The following VSX2 variants were observed in gnomAD, a reference collection of about 807,000 sequenced individuals.
VSX2 encodes visual system homeobox 2.
In VSX2, 28 loss-of-function variants were observed where a neutral mutation model predicts 32.1. The ratio of observed to expected loss-of-function variants is 0.87; its 90% CI spans 0.65 to 1.20. The LOEUF (loss-of-function observed/expected upper bound fraction) is 1.20. VSX2 is among the 50% of genes most tolerant of loss of function. The pLI, the probability that VSX2 is intolerant of heterozygous loss-of-function variation, is 0.00. For synonymous variants in VSX2, 243 were observed against 214.1 expected, an observed-to-expected ratio of 1.14 and a Z score of -1.18; for missense variants, 506 against 488.7, an observed-to-expected ratio of 1.04 and a Z score of -0.33.
chr14:74,260,899 C>G lies in VSX2; in HGVS notation c.1066C>G (p.Gln356Glu), dbSNP rs2079302722. 2 of 1,561,404 alleles carry G rather than the reference C, an allele frequency of 1.3e-6. No individual in the cohort carries two copies. The highest frequency in any genetic ancestry group is 2.7e-5 in the African/African-American group (2 of 73,464). Residue 356 changes from glutamine to glutamate, a missense_variant, in exon 5 of 5, where the codon CAG (glutamine) becomes GAG (glutamate). Physicochemically the swap from Gln to Glu is conservative, Grantham distance 29. Coordinates refer to ENST00000261980, the MANE Select transcript of VSX2 (RefSeq NM_182894.3). ...DRPAERLSPP[Q>E]LEDMA is the part of the protein sequence containing the mutation. Reference sequence around the variant, plus strand: ...GCCGGCGGAGAGGCTCAGTCCACCGCAGCTGGAGGACATGGCTTAGGTCAA... The same window carrying G: ...GCCGGCGGAGAGGCTCAGTCCACCGGAGCTGGAGGACATGGCTTAGGTCAA...
At chr14:74,259,264 C>T (rs970733620) in intron 3 of VSX2, among the ~76,000 whole-genome samples, 4 of 152,172 alleles carry the variant, frequency 2.6e-5, no homozygotes, top group Admixed American at 2.0e-4. Flanking sequence ...GATTTATATG[C>T]TGGAGGTGTG....
At chr14:74,251,753 C>T (rs2079230349) in intron 3 of VSX2, among the ~76,000 whole-genome samples, 1 of 152,214 alleles carries the variant, frequency 6.6e-6, no homozygotes, top group South Asian at 2.1e-4. Context: ...CTCCACTTGT[C>T]TGAGCCTTAG....
chr14:74,250,646 G>A, intron 3 of VSX2, among the ~76,000 whole-genome samples: 1 of 152,028 alleles, frequency 6.6e-6, no homozygotes. Flanking sequence ...GGGTGCTTGA[G>A]TAGGGAAGGG....
At chr14:74,246,515 T>A (rs2079192815) in intron 3 of VSX2, among the ~76,000 whole-genome samples, 1 of 152,254 alleles carries the variant, frequency 6.6e-6, no homozygotes, top group Non-Finnish European at 1.5e-5. Context: ...CAGATTATGT[T>A]TGGTGCATTA....
In VSX2 at chr14:74,239,926, G is replaced by T. The variant is rs866959994; in HGVS notation, c.365G>T (p.Ser122Ile). 2 of 1,563,994 alleles carry T rather than the reference G, an allele frequency of 1.3e-6. No homozygotes were observed. The highest frequency in any genetic ancestry group is 3.8e-5 in the Admixed American group (2 of 52,926). The change falls in exon 1 of 5, where the codon AGC (serine) becomes ATC (isoleucine). Residue 122 changes from serine (S) to isoleucine (I), a missense_variant. Transcript: ENST00000261980. ...CCGCTGGACACCAGCCAGACGGCCA[G>T]CTCGGGTAGGTGAGGAGAGGTTGCG... is the stretch of plus-strand genomic sequence containing the variant. Reference protein sequence around the residue: ...SGPLDTSQTASSDSEDVSSSD... With the variant: ...SGPLDTSQTAISDSEDVSSSD...
At chr14:74,241,763 C>T (rs574695616) in intron 2 of VSX2, among the ~76,000 whole-genome samples, 1 of 152,338 alleles carries the variant, frequency 6.6e-6, no homozygotes, top group Non-Finnish European at 1.5e-5. Flanking sequence ...GCGATCTCTG[C>T]ACTGACAGAG....
chr14:74,243,866 C>T (rs761878143), intron 2 of VSX2, among the ~76,000 whole-genome samples: 47 of 151,858 alleles, frequency 3.1e-4, no homozygotes, highest in Non-Finnish European at 6.2e-4. Context: ...TTGTGTTAGA[C>T]GAGGGTGAGG....
chr14:74,244,017 A>G (rs773358082), intron 2 of VSX2, among the ~76,000 whole-genome samples: 7 of 152,200 alleles, frequency 4.6e-5, no homozygotes, highest in African/African-American at 7.2e-5. Context: ...ATGAGGTTTC[A>G]GGATAAAGAC....
intron 3 of VSX2, among the ~76,000 whole-genome samples, chr14:74,251,687 T>G (rs112776642): frequency 3.3e-5 from 5 of 152,146 alleles, no homozygotes; most frequent in African/African-American, 1.2e-4. Flanking sequence ...GGCAAGAGGC[T>G]GTCTGGAAAT....
In VSX2 at chr14:74,245,297, C is replaced by A. The variant is rs2139634155; in HGVS notation, c.579+9C>A. Reference sequence around the variant, plus strand: ...CGGAAGACAGGATACAGGTAACAGCCCTGAGCCCCTCTCCCCTCCACTCTC... The same window carrying A: ...CGGAAGACAGGATACAGGTAACAGCACTGAGCCCCTCTCCCCTCCACTCTC... On this transcript the variant is annotated intron_variant, in intron 3 of 4. Transcript: ENST00000261980. The A allele has an allele frequency of 1.2e-6, 2 of 1,613,288 alleles. No individual in the cohort carries two copies. The highest frequency in any genetic ancestry group is 3.3e-4 in the Middle Eastern group (2 of 6,056).
In VSX2 at chr14:74,260,673, C is replaced by A; in HGVS notation, c.840C>A (p.Leu280=). 1.2e-6 allele frequency: 2 copies of A among 1,600,526 alleles called. No individual in the cohort carries two copies. The highest frequency in any genetic ancestry group is 1.7e-6 in the Non-Finnish European group (2 of 1,174,296). Residue 280 remains leucine (L), a synonymous_variant, in exon 5 of 5, where the codon CTC becomes CTA. Coordinates refer to ENST00000261980, the MANE Select transcript of VSX2 (RefSeq NM_182894.3). Reference sequence around the variant, plus strand: ...GGGAACGCCAGGCCCTGCCCAAGCTCGACAAGATGGAGCAGGACGAGCGGG... The same window carrying A: ...GGGAACGCCAGGCCCTGCCCAAGCTAGACAAGATGGAGCAGGACGAGCGGG... The part of the protein sequence containing the change: ...PEGERQALPK[L]DKMEQDERGP...
intron 3 of VSX2, among the ~76,000 whole-genome samples, chr14:74,246,715 G>A (rs2139635394): frequency 6.6e-6 from 1 of 152,302 alleles, no homozygotes; most frequent in East Asian, 1.9e-4. Context: ...GCGGCAGGGA[G>A]GAGCAATGAC....
At position 74,260,965 on chromosome 14, in the gene VSX2, C is replaced by A; in HGVS notation, c.*46C>A. ...CGGAGCCCCAAGACTCTGCTCTCCT[C>A]GGGCCCTGTGGTGCTGGGAGATGCT... On this transcript the variant is annotated 3_prime_UTR_variant, in exon 5 of 5. Transcript: ENST00000261980. 1 of 1,544,678 alleles carries A rather than the reference C, an allele frequency of 6.5e-7. No homozygotes were observed. The highest frequency in any genetic ancestry group is 1.2e-5 in the South Asian group (1 of 83,836).
intron 2 of VSX2, among the ~76,000 whole-genome samples, chr14:74,243,261 G>A (rs1295181307): frequency 6.6e-6 from 1 of 152,160 alleles, no homozygotes; most frequent in Non-Finnish European, 1.5e-5. Context: ...GCCACGGTGA[G>A]AGTCTCTCTG....
Position 74,254,784 on chromosome 14 carries a change from A to ATTTTTTTTTTTTTTTTT in VSX2, c.580-4805_580-4804insTTTTTTTTTTTTTTTTT, listed in dbSNP as rs537753574. On this transcript the variant is annotated intron_variant, in intron 3 of 4. Transcript: ENST00000261980. ...ATCCTCCAAAAACCCCGAAAAGTGG[A>ATTTTTTTTTTTTTTTTT]TTTTTTTTTTTTTGAGACGCAGTCT... Among the ~76,000 whole-genome samples the ATTTTTTTTTTTTTTTTT allele has an allele frequency of 2.5e-3, 290 of 116,590 alleles. 43 individuals are homozygous for ATTTTTTTTTTTTTTTTT. The highest frequency in any genetic ancestry group is 8.5e-3 in the African/African-American group (258 of 30,296). The allele number at this position is 116,590 out of a possible 152,430, so 76.5% of individuals were successfully genotyped here.
At chr14:74,243,583 T>C (rs1399305649) in intron 2 of VSX2, among the ~76,000 whole-genome samples, 1 of 152,158 alleles carries the variant, frequency 6.6e-6, no homozygotes, top group Admixed American at 6.5e-5. Flanking sequence ...TGAATTTCTT[T>C]ATTGTTTATT....
intron 1 of VSX2, among the ~76,000 whole-genome samples, chr14:74,240,815 C>G (rs951922123): frequency 1.3e-5 from 2 of 152,176 alleles, no homozygotes; most frequent in Non-Finnish European, 2.9e-5. Flanking sequence ...TCGAGGCCAA[C>G]TTTCCGGCCC....
At chr14:74,245,758 G>A (rs2079188412) in intron 3 of VSX2, among the ~76,000 whole-genome samples, 1 of 152,050 alleles carries the variant, frequency 6.6e-6, no homozygotes, top group South Asian at 2.1e-4. Flanking sequence ...CATGATGAAA[G>A]TGTTACCCCT....
At chr14:74,259,499 G>C in intron 3 of VSX2, 103 bp from the exon 4 acceptor site, 1 of 1,449,546 alleles carries the variant, frequency 6.9e-7, no homozygotes, top group Non-Finnish European at 9.6e-7. Context: ...TTAGGTTAAG[G>C]ACGCCCTGCT....
Sources: allele counts gnomAD v4.1 joint callset (sites outside exome capture counted in the v4.1 genomes callset), GRCh38; gene constraint gnomAD v4.1.1; transcripts MANE v1.5; gene names NCBI Gene and HGNC (gene_info 2026-07-23, HGNC 2026-07-21).